MLLT3: variants seen among roughly 807,000 people sequenced by gnomAD.
MLLT3 encodes MLLT3 super elongation complex subunit, also known as protein AF-9.
A neutral mutation model predicts 53.2 loss-of-function variants in MLLT3; 4 were observed. The observed-to-expected ratio is 0.08, with a 90% confidence interval of 0.04 to 0.17. The LOEUF (loss-of-function observed/expected upper bound fraction) is 0.17. Among genes scored for constraint, MLLT3 ranks in the 10% least tolerant of loss-of-function variants. The probability of loss-of-function intolerance (pLI) is 1.00; values close to 1 mark genes in which losing one functional copy is unlikely to be tolerated. For missense variants in MLLT3, 569 were observed against 684.0 expected (o/e 0.83, Z 1.87); for synonymous variants, 283 against 230.6 (o/e 1.23, Z -2.06).
intron 2 of MLLT3, among the ~76,000 whole-genome samples, chr9:20,578,630 G>A (rs965025020): frequency 7.2e-5 from 11 of 152,068 alleles, no homozygotes; most frequent in South Asian, 4.1e-4. Context: ...TACTGAGCAC[G>A]TCAAATGTGG....
At chr9:20,519,068 A>C (rs912392478) in intron 2 of MLLT3, among the ~76,000 whole-genome samples, 4 of 152,246 alleles carry the variant, frequency 2.6e-5, no homozygotes, top group African/African-American at 9.6e-5. Context: ...AAAGTTGGAA[A>C]TACTTATTAA....
chr9:20,592,535 G>A (rs1449217007), intron 2 of MLLT3, among the ~76,000 whole-genome samples: 1 of 152,106 alleles, frequency 6.6e-6, no homozygotes, highest in Non-Finnish European at 1.5e-5. Context: ...CTACCCCAAT[G>A]ACCTCATTTT....
chr9:20,396,427 G>T (rs187864626), intron 5 of MLLT3, among the ~76,000 whole-genome samples: 1 of 152,232 alleles, frequency 6.6e-6, no homozygotes, highest in Non-Finnish European at 1.5e-5. Flanking sequence ...ATAAAATTAA[G>T]ATTCAAAGTT....
chr9:20,434,575 T>C (rs1200899582), intron 4 of MLLT3, among the ~76,000 whole-genome samples: 2 of 152,208 alleles, frequency 1.3e-5, no homozygotes, highest in African/African-American at 4.8e-5. Flanking sequence ...CATAACATAC[T>C]GTGCAGACCT....
intron 2 of MLLT3, among the ~76,000 whole-genome samples, chr9:20,522,994 TA>T (rs1215841106): frequency 4.6e-5 from 7 of 151,294 alleles, no homozygotes; most frequent in Non-Finnish European, 8.9e-5. Context: ...TAAATAAAAA[TA>T]ACAACAAAAT....
chr9:20,414,590 A>C (rs775032163), intron 4 of MLLT3, among the ~76,000 whole-genome samples, 165 bp from the exon 5 acceptor site: 15 of 152,234 alleles, frequency 9.9e-5, no homozygotes, highest in Admixed American at 3.9e-4. Context: ...AGGTGAGAAT[A>C]GTGTATGTGA....
At chr9:20,427,686 G>C (rs996426754) in intron 4 of MLLT3, among the ~76,000 whole-genome samples, 19 of 151,632 alleles carry the variant, frequency 1.3e-4, no homozygotes, top group African/African-American at 4.4e-4. Flanking sequence ...AAACTATAAA[G>C]ACAGTAAGAA....
chr9:20,612,379 C>T (rs1563843596), intron 2 of MLLT3, among the ~76,000 whole-genome samples: 1 of 152,146 alleles, frequency 6.6e-6, no homozygotes, highest in Non-Finnish European at 1.5e-5. Flanking sequence ...TTCACTGTAT[C>T]CTACATATAT....
intron 2 of MLLT3, among the ~76,000 whole-genome samples, chr9:20,561,051 G>A (rs763267990): frequency 2.0e-4 from 31 of 152,080 alleles, no homozygotes; most frequent in Non-Finnish European, 4.1e-4. Context: ...AAAGCAAAGG[G>A]ACCAGGGAAC....
intron 2 of MLLT3, among the ~76,000 whole-genome samples, chr9:20,593,421 G>A (rs1820177002): frequency 6.6e-6 from 1 of 152,144 alleles, no homozygotes; most frequent in Non-Finnish European, 1.5e-5. Flanking sequence ...GATTCCTTAT[G>A]AAACCATCAA....
Position 20,346,277 on chromosome 9 carries a change from A to T in MLLT3, c.*166T>A. The T allele has an allele frequency of 1.4e-6, 1 of 727,068 alleles. No homozygotes were observed. Among genetic ancestry groups the T allele is most frequent in the Non-Finnish European group, 2.1e-6 (1 of 480,512 alleles). The allele number at this position is 727,068 out of a possible 1,614,324, so 45.0% of individuals were successfully genotyped here. On this transcript the variant is annotated 3_prime_UTR_variant, in exon 11 of 11. Coordinates refer to ENST00000380338, the MANE Select transcript of MLLT3 (RefSeq NM_004529.4). ...TTATCAAGAGATGATGACTGGCTTT[A>T]AAGAAAAATAAAGCTGAAGGTTGTT...
intron 2 of MLLT3, among the ~76,000 whole-genome samples, chr9:20,608,636 C>T (rs1488691465): frequency 1.3e-5 from 2 of 151,826 alleles, no homozygotes; most frequent in Admixed American, 6.6e-5. Flanking sequence ...AAGGAAAAGA[C>T]TCAAAACGAC....
In MLLT3 at chr9:20,346,457, A is replaced by G; in HGVS notation, c.1693T>C (p.Ser565Pro). The change falls in exon 11 of 11, where the codon TCT becomes CCT. Residue 565 changes from serine (S) to proline (P), a missense_variant. Ser to Pro is a moderately conservative substitution (Grantham distance 74). Coordinates refer to ENST00000380338, the MANE Select transcript of MLLT3 (RefSeq NM_004529.4). ...TTGTTATATCCTCAGGATGTTCCAG[A>G]TGTTTCCAGGTAACTCTGTAGTTTA... ...VRKLQSYLET[S>P]GTS 6.2e-7 allele frequency: 1 copy of G among 1,612,390 alleles called. No homozygotes were observed. The highest frequency in any genetic ancestry group is 2.2e-5 in the East Asian group (1 of 44,824).
chr9:20,621,873 T>C lies in MLLT3; in HGVS notation c.12+372A>G. On this transcript the variant is annotated intron_variant, in intron 1 of 10. Transcript: ENST00000380338. The surrounding 1 kb of genome is among the most constrained non-coding windows in gnomAD (Gnocchi z 7.0). The stretch of plus-strand genomic sequence containing the variant: ...GCTCCCGGCGGCGGCGGCTGAAATA[T>C]GGCTGAGTTATTATTCGCCTCCTTC... The C allele has an allele frequency of 2.2e-6, 3 of 1,372,790 alleles. No individual in the cohort carries two copies. Among genetic ancestry groups the C allele is most frequent in the Non-Finnish European group, 2.8e-6 (3 of 1,071,652 alleles). The allele number at this position is 1,372,790 out of a possible 1,614,324, so 85.0% of individuals were successfully genotyped here.
At chr9:20,472,010 T>A (rs538020845) in intron 2 of MLLT3, among the ~76,000 whole-genome samples, 1 of 152,080 alleles carries the variant, frequency 6.6e-6, no homozygotes, top group Non-Finnish European at 1.5e-5. Context: ...ATAAATGACA[T>A]AAATTTGGAA....
At position 20,448,902 on chromosome 9, in the gene MLLT3, C is replaced by G. The variant is rs900678264; in HGVS notation, c.277-636G>C. On this transcript the variant is annotated intron_variant, in intron 3 of 10. Coordinates refer to ENST00000380338, the MANE Select transcript of MLLT3 (RefSeq NM_004529.4). The surrounding 1 kb of genome is among the most constrained non-coding windows in gnomAD (Gnocchi z 4.0). ...GGCTTCATATTCCACCATTCCCCTT[C>G]TGTCCATCTGATGGCCTAGCAACAT... Among the ~76,000 whole-genome samples, 6 of 152,184 alleles carry G rather than the reference C, an allele frequency of 3.9e-5. No homozygotes were observed. Among genetic ancestry groups the G allele is most frequent in the Non-Finnish European group, 5.9e-5 (4 of 68,018 alleles).
Position 20,620,984 on chromosome 9 carries a change from G to A in MLLT3, c.13-150C>T, listed in dbSNP as rs537411379. On this transcript the variant is annotated intron_variant, in intron 1 of 10. Coordinates refer to ENST00000380338, the MANE Select transcript of MLLT3 (RefSeq NM_004529.4). The surrounding 1 kb of genome is among the most constrained non-coding windows in gnomAD (Gnocchi z 6.1). ...CTGCATCCACGTTTCACGCGCGTGG[G>A]CGCGCACACTCCACACCCCCAAATA... The A allele has an allele frequency of 2.2e-5, 21 of 962,868 alleles. No individual in the cohort carries two copies. In the Admixed American group the frequency reaches 2.2e-4, roughly 10 times the overall value. 59.6% of individuals were successfully genotyped at this position (962,868 alleles called of 1,614,324 possible).
chr9:20,428,870 C>T (rs1383199231), intron 4 of MLLT3, among the ~76,000 whole-genome samples: 1 of 151,950 alleles, frequency 6.6e-6, no homozygotes, highest in Non-Finnish European at 1.5e-5. Context: ...TTTATTGCAA[C>T]AAATGTGAAA....
At chr9:20,596,214 C>CA (rs1229012911) in intron 2 of MLLT3, among the ~76,000 whole-genome samples, 4 of 152,078 alleles carry the variant, frequency 2.6e-5, no homozygotes, top group African/African-American at 9.7e-5. Context: ...TTCTTGACTA[C>CA]AAAAAATAAA....
Sources: allele counts gnomAD v4.1 joint callset (sites outside exome capture counted in the v4.1 genomes callset), GRCh38; gene constraint gnomAD v4.1.1; non-coding constraint Gnocchi (gnomAD v3.1); transcripts MANE v1.5; gene names NCBI Gene and HGNC (gene_info 2026-07-23, HGNC 2026-07-21).